Variants in CHCHD3 observed in about 807,000 individuals in gnomAD.
CHCHD3 encodes the protein MICOS complex subunit MIC19.
In CHCHD3, 20 loss-of-function variants were observed where a neutral mutation model predicts 38.2. The observed-to-expected ratio is 0.52, with a 90% CI of 0.37 to 0.76. The LOEUF is 0.76. Among genes scored for constraint, CHCHD3 ranks in the 30% least tolerant of loss-of-function variants. The pLI is 0.00. For missense variants in CHCHD3, 245 were observed against 279.2 expected, an observed-to-expected ratio of 0.88 and a Z score of 0.87; for synonymous variants, 82 against 100.0, an observed-to-expected ratio of 0.82 and a Z score of 1.07.
At chr7:133,055,644 ATAGT>A (rs1814306388) in intron 2 of CHCHD3, among the ~76,000 whole-genome samples, 1 of 148,624 alleles carries the variant, frequency 6.7e-6, no homozygotes, top group Non-Finnish European at 1.5e-5. Context: ...TAATTATATT[ATAGT>A]TAATTATATA....
At chr7:133,010,105 C>G (rs1306344487) in intron 3 of CHCHD3, among the ~76,000 whole-genome samples, 2 of 152,166 alleles carry the variant, frequency 1.3e-5, no homozygotes, top group African/African-American at 2.4e-5. Context: ...TGGGAACGGG[C>G]TTGGAGTAAA....
At chr7:132,899,965 G>C (rs1245826780) in intron 4 of CHCHD3, among the ~76,000 whole-genome samples, 1 of 152,198 alleles carries the variant, frequency 6.6e-6, no homozygotes, top group African/African-American at 2.4e-5. Flanking sequence ...TAGGATGCTA[G>C]GGGCACACAT....
intron 4 of CHCHD3, among the ~76,000 whole-genome samples, chr7:132,926,109 A>G (rs1286497696): frequency 1.3e-5 from 2 of 152,236 alleles, no homozygotes; most frequent in African/African-American, 2.4e-5. Flanking sequence ...TTGCATAGGA[A>G]TCAGATACAC....
intron 4 of CHCHD3, among the ~76,000 whole-genome samples, chr7:132,958,776 T>C (rs939644713): frequency 1.3e-5 from 2 of 152,246 alleles, no homozygotes; most frequent in Non-Finnish European, 2.9e-5. Flanking sequence ...AGTGTCTTAC[T>C]ATAATCTGTG....
At chr7:132,945,847 A>G (rs1290860272) in intron 4 of CHCHD3, among the ~76,000 whole-genome samples, 2 of 151,970 alleles carry the variant, frequency 1.3e-5, no homozygotes, top group Non-Finnish European at 2.9e-5. Context: ...TTCTTCCTAA[A>G]GATTGTTCAA....
intron 6 of CHCHD3, among the ~76,000 whole-genome samples, chr7:132,831,348 G>C (rs1022966129): frequency 7.9e-5 from 12 of 152,178 alleles, no homozygotes; most frequent in Admixed American, 1.3e-4. Flanking sequence ...ACTGATCAAT[G>C]AGAATCAGAG....
chr7:133,034,269 T>G (rs760052572), intron 2 of CHCHD3, among the ~76,000 whole-genome samples: 3 of 152,174 alleles, frequency 2.0e-5, no homozygotes, highest in African/African-American at 4.8e-5. Flanking sequence ...TCATCCTGAA[T>G]TAACTTATAA....
At chr7:132,973,688 C>T (rs961056526) in intron 4 of CHCHD3, 13 of 1,031,882 alleles carry the variant, frequency 1.3e-5, no homozygotes, top group Middle Eastern at 4.8e-4. Context: ...TGATTCATTA[C>T]GCATGGACTT....
chr7:133,042,238 G>A (rs1045131773), intron 2 of CHCHD3, among the ~76,000 whole-genome samples: 27 of 151,902 alleles, frequency 1.8e-4, no homozygotes, highest in African/African-American at 6.5e-4. Flanking sequence ...ATTTTTTTAT[G>A]AGCAATATTT....
intron 3 of CHCHD3, among the ~76,000 whole-genome samples, chr7:133,008,438 GAAAA>G (rs551540851): frequency 7.3e-6 from 1 of 136,966 alleles, no homozygotes. Context: ...AAAAAAAAAA[GAAAA>G]AAAAAGCAAT....
chr7:133,009,363 C>CAAAAA (rs71178076), intron 3 of CHCHD3, among the ~76,000 whole-genome samples: 6 of 67,396 alleles, frequency 8.9e-5, no homozygotes, highest in East Asian at 4.5e-4. Context: ...GACTCTGTCT[C>CAAAAA]AAAAAAAAAA....
chr7:132,918,158 C>T lies in CHCHD3; in HGVS notation c.370-32413G>A, dbSNP rs147148797. ...TCATAATGAGTTAAGATCTCACCTACCACTGTATTCAAAAAAATCTATAGC... is the reference window on the plus strand; with the variant it reads ...TCATAATGAGTTAAGATCTCACCTATCACTGTATTCAAAAAAATCTATAGC... On this transcript the variant is annotated intron_variant, in intron 4 of 7. Coordinates refer to ENST00000262570, the MANE Select transcript of CHCHD3 (RefSeq NM_017812.4). Among the ~76,000 whole-genome samples the T allele has an allele frequency of 2.2e-3, 332 of 152,272 alleles. 2 individuals are homozygous for T. The highest frequency in any genetic ancestry group is 7.8e-3 in the African/African-American group (325 of 41,560).
intron 2 of CHCHD3, among the ~76,000 whole-genome samples, chr7:133,064,014 C>T (rs1198733910): frequency 6.6e-6 from 1 of 152,234 alleles, no homozygotes; most frequent in Non-Finnish European, 1.5e-5. Context: ...CACTCTTTCT[C>T]TAAATTCCTA....
intron 1 of CHCHD3, among the ~76,000 whole-genome samples, chr7:133,079,057 C>G (rs1815092219): frequency 6.6e-6 from 1 of 152,190 alleles, no homozygotes; most frequent in African/African-American, 2.4e-5. Flanking sequence ...GAAATAAAAA[C>G]CATCTACAAC....
At chr7:133,040,508 G>C (rs1813805016) in intron 2 of CHCHD3, among the ~76,000 whole-genome samples, 1 of 152,092 alleles carries the variant, frequency 6.6e-6, no homozygotes, top group Non-Finnish European at 1.5e-5. Flanking sequence ...TATACTTAAT[G>C]AAGTAACCCT....
chr7:132,987,598 G>A (rs1375998384), intron 3 of CHCHD3, among the ~76,000 whole-genome samples: 2 of 152,180 alleles, frequency 1.3e-5, no homozygotes, highest in Non-Finnish European at 1.5e-5. Context: ...AGCAGTGCCA[G>A]AACACAACTG....
chr7:132,807,606 A>AAT (rs55835343), intron 6 of CHCHD3, among the ~76,000 whole-genome samples: 5,851 of 108,406 alleles, frequency 0.054, 230 homozygotes, highest in Non-Finnish European at 0.072. Context: ...CATACACATA[A>AAT]ATATATATAT....
rs199528374 is a variant in CHCHD3, at chr7:132,897,656, TA to T, written c.370-11912del. Among the ~76,000 whole-genome samples the T allele has an allele frequency of 6.6e-3, 1,003 of 152,310 alleles. 11 individuals are homozygous for T. Among genetic ancestry groups the T allele is most frequent in the African/African-American group, 0.022 (931 of 41,568 alleles). On this transcript the variant is annotated intron_variant, in intron 4 of 7. Transcript: ENST00000262570. ...GGCTTGAAGTTAAGAGAAGAAAATGTAAAAAATTACTAATCAAACATTTGTA... is the reference window on the plus strand; with the variant it reads ...GGCTTGAAGTTAAGAGAAGAAAATGTAAAAATTACTAATCAAACATTTGTA...
intron 5 of CHCHD3, among the ~76,000 whole-genome samples, chr7:132,866,062 A>G (rs1808617731): frequency 6.6e-6 from 1 of 152,208 alleles, no homozygotes; most frequent in South Asian, 2.1e-4. Context: ...CCTTGTGGAC[A>G]GGAACCATTT....
Sources: allele counts gnomAD v4.1 joint callset (sites outside exome capture counted in the v4.1 genomes callset), GRCh38; gene constraint gnomAD v4.1.1; transcripts MANE v1.5; gene names NCBI Gene and HGNC (gene_info 2026-07-23, HGNC 2026-07-21).